SLC5A4: variants seen among roughly 807,000 people sequenced by gnomAD.
SLC5A4 encodes solute carrier family 5 member 4.
A neutral mutation model predicts 70.3 loss-of-function variants in SLC5A4; 55 were observed. The ratio of observed to expected loss-of-function variants is 0.78; its 90% CI spans 0.63 to 0.98. The LOEUF is 0.98. Among genes scored for constraint, SLC5A4 ranks in the 50% least tolerant of loss-of-function variants. The pLI is 0.00. For missense variants in SLC5A4, 735 were observed against 839.2 expected (o/e 0.88, Z 1.53); for synonymous variants, 268 against 305.7 (o/e 0.88, Z 1.29).
the SLC5A4 span, among the ~76,000 whole-genome samples, chr22:32,342,825 A>T: frequency 6.6e-6 from 1 of 152,212 alleles, no homozygotes; most frequent in Non-Finnish European, 1.5e-5. Flanking sequence ...GAGTCAAAAA[A>T]TATTCACTTC....
At chr22:32,326,594 G>A in the SLC5A4 span, among the ~76,000 whole-genome samples, 1 of 152,130 alleles carries the variant, frequency 6.6e-6, no homozygotes, top group African/African-American at 2.4e-5. Flanking sequence ...ACAGGGACCT[G>A]AAAGGAGGAG....
At position 32,251,814 on chromosome 22, in the gene SLC5A4, T is replaced by C; in HGVS notation, c.268A>G (p.Thr90Ala). ...GTGGCGACTCCTGAAGCTGCTCCTG[T>C]CCCAGCCAGCCCCACATAGTGGTTG... Reference protein sequence around the residue: ...GSNHYVGLAGTGAASGVATVT... With the variant: ...GSNHYVGLAGAGAASGVATVT... Residue 90 changes from threonine to alanine, a missense_variant, in exon 3 of 15, where the codon ACA (threonine) becomes GCA (alanine). Transcript: ENST00000266086. The C allele has an allele frequency of 5.0e-6, 8 of 1,614,006 alleles. No individual in the cohort carries two copies. The highest frequency in any genetic ancestry group is 6.8e-6 in the Non-Finnish European group (8 of 1,179,888).
At chr22:32,298,935 A>G in the SLC5A4 span, among the ~76,000 whole-genome samples, 1 of 107,088 alleles carries the variant, frequency 9.3e-6, no homozygotes, top group Admixed American at 1.0e-4. Context: ...GCTGGATATG[A>G]AATTCTGGGT....
At chr22:32,266,128 G>A in the SLC5A4 span, among the ~76,000 whole-genome samples, 1 of 152,184 alleles carries the variant, frequency 6.6e-6, no homozygotes, top group African/African-American at 2.4e-5. Flanking sequence ...GAGCAGGAAG[G>A]GGGAAACTTT....
chr22:32,314,790 C>T, the SLC5A4 span, among the ~76,000 whole-genome samples: 3 of 152,222 alleles, frequency 2.0e-5, no homozygotes, highest in African/African-American at 2.4e-5. Context: ...GAGCAAGTCA[C>T]GTCTTATGTG....
At chr22:32,229,818 A>G (rs545747523) in intron 10 of SLC5A4, among the ~76,000 whole-genome samples, 2 of 152,358 alleles carry the variant, frequency 1.3e-5, no homozygotes, top group East Asian at 3.9e-4. Flanking sequence ...TTGTAACTCA[A>G]AAAATAAATG....
At chr22:32,336,512 G>A in the SLC5A4 span, among the ~76,000 whole-genome samples, 2 of 152,204 alleles carry the variant, frequency 1.3e-5, no homozygotes, top group Non-Finnish European at 1.5e-5. Flanking sequence ...TCCCAGGAGG[G>A]GGCTTGTAAG....
intron 12 of SLC5A4, 43 bp downstream of exon 12, chr22:32,225,612 T>C: frequency 3.7e-6 from 5 of 1,342,710 alleles, no homozygotes; most frequent in Non-Finnish European, 5.2e-6. Flanking sequence ...AACGATTTTT[T>C]TCTCACTCCA....
At chr22:32,262,518 T>C in the SLC5A4 span, among the ~76,000 whole-genome samples, 1 of 152,210 alleles carries the variant, frequency 6.6e-6, no homozygotes, top group Non-Finnish European at 1.5e-5. Context: ...GACAGGTCCA[T>C]GTGGCCTGTG....
At chr22:32,331,016 G>GGT in the SLC5A4 span, among the ~76,000 whole-genome samples, 3 of 37,030 alleles carry the variant, frequency 8.1e-5, no homozygotes, top group South Asian at 1.1e-3. Context: ...TGGGGGCTCT[G>GGT]GTGTGTGTGT....
intron 8 of SLC5A4, among the ~76,000 whole-genome samples, chr22:32,234,437 C>G (rs555425832): frequency 6.6e-6 from 1 of 151,996 alleles, no homozygotes; most frequent in Non-Finnish European, 1.5e-5. Flanking sequence ...GGTGGCTCAC[C>G]CCTGTAATCT....
At chr22:32,346,657 A>G in the SLC5A4 span, among the ~76,000 whole-genome samples, 2 of 136,284 alleles carry the variant, frequency 1.5e-5, no homozygotes, top group African/African-American at 3.0e-5. Flanking sequence ...CCATATGTAG[A>G]AAGCTGAAAC....
Position 32,235,021 on chromosome 22 carries a change from C to G in SLC5A4, c.737G>C (p.Gly246Ala). Residue 246 changes from glycine to alanine, a missense_variant, in exon 8 of 15, where the codon GGG becomes GCG. Physicochemically the swap from Gly to Ala is moderately conservative, Grantham distance 60. Transcript: ENST00000266086. ...YVNATPSVVEGDNLTISASCY... is the reference protein window; with the variant it reads ...YVNATPSVVEADNLTISASCY... Reference sequence around the variant, plus strand: ...ACTGGCACTGATTGTCAAGTTGTCCCCCTCGACTACGGATGGGGTGGCATT... The same window carrying G: ...ACTGGCACTGATTGTCAAGTTGTCCGCCTCGACTACGGATGGGGTGGCATT... 1 of 1,613,780 alleles carries G rather than the reference C, an allele frequency of 6.2e-7. No individual in the cohort carries two copies. Among genetic ancestry groups the G allele is most frequent in the Non-Finnish European group, 8.5e-7 (1 of 1,179,984 alleles).
At chr22:32,311,997 C>A in the SLC5A4 span, among the ~76,000 whole-genome samples, 2 of 151,968 alleles carry the variant, frequency 1.3e-5, no homozygotes, top group African/African-American at 4.8e-5. Flanking sequence ...CCACTGTGAG[C>A]TTTTTCTGCA....
chr22:32,293,040 A>C, the SLC5A4 span, among the ~76,000 whole-genome samples: 1 of 152,262 alleles, frequency 6.6e-6, no homozygotes, highest in African/African-American at 2.4e-5. Context: ...TATCTTTGCT[A>C]ATACTTCTCA....
At chr22:32,310,768 C>A in the SLC5A4 span, among the ~76,000 whole-genome samples, 2 of 152,330 alleles carry the variant, frequency 1.3e-5, no homozygotes, top group African/African-American at 2.4e-5. Flanking sequence ...ATGGGGAGAG[C>A]CCCTTCTTCA....
At chr22:32,282,034 C>T in the SLC5A4 span, among the ~76,000 whole-genome samples, 13 of 151,786 alleles carry the variant, frequency 8.6e-5, no homozygotes, top group South Asian at 1.2e-3. Flanking sequence ...GTAGAGACGG[C>T]GTTTCACCAT....
chr22:32,303,029 TA>T, the SLC5A4 span, among the ~76,000 whole-genome samples: 2 of 148,812 alleles, frequency 1.3e-5, no homozygotes, highest in Non-Finnish European at 3.0e-5. Flanking sequence ...TTTGTTTACT[TA>T]TTTTTTTTCT....
the SLC5A4 span, among the ~76,000 whole-genome samples, chr22:32,310,140 C>T: frequency 2.0e-5 from 3 of 151,996 alleles, no homozygotes; most frequent in Admixed American, 6.5e-5. Flanking sequence ...GGGATGCTTA[C>T]GTGAACTCCA....
Sources: gnomAD v4.1 joint callset for allele counts (sites outside exome capture counted in the v4.1 genomes callset) on GRCh38, gnomAD v4.1.1 for gene constraint, MANE v1.5 for transcripts, NCBI Gene and HGNC (gene_info 2026-07-23, HGNC 2026-07-21) for gene names.